The following TCF7 variants were observed in gnomAD, a reference collection of about 807,000 sequenced individuals.
TCF7 encodes transcription factor 7, also known as T-cell-factor-7.
In TCF7, 19 loss-of-function variants were observed where a neutral mutation model predicts 46.8. The ratio of observed to expected loss-of-function variants is 0.41; its 90% CI spans 0.28 to 0.60. The LOEUF (loss-of-function observed/expected upper bound fraction) is 0.60, where lower values mean the gene tolerates loss of function less well. Among genes scored for constraint, TCF7 ranks in the 20% least tolerant of loss-of-function variants. TCF7 has a pLI of 0.35. For synonymous variants in TCF7, 245 were observed against 213.4 expected, an observed-to-expected ratio of 1.15 and a Z score of -1.29; for missense variants, 547 against 504.6, an observed-to-expected ratio of 1.08 and a Z score of -0.81.
intron 3 of TCF7, among the ~76,000 whole-genome samples, chr5:134,134,369 C>T (rs961744549): frequency 6.6e-6 from 1 of 152,270 alleles, no homozygotes; most frequent in African/African-American, 2.4e-5. Flanking sequence ...AGCTTAGACT[C>T]GAAAGCCCCC....
At chr5:134,143,922 A>G (rs1343236383) in intron 9 of TCF7, 8 of 412,082 alleles carry the variant, frequency 1.9e-5, no homozygotes, top group Non-Finnish European at 2.2e-5. Flanking sequence ...TGCTAGCTCC[A>G]CTCACCAGAG....
intron 3 of TCF7, among the ~76,000 whole-genome samples, chr5:134,135,129 ATT>A (rs1758676609): frequency 6.6e-6 from 1 of 151,846 alleles, no homozygotes; most frequent in Non-Finnish European, 1.5e-5. Context: ...AGTTATTTTT[ATT>A]TTATTTTTAG....
At chr5:134,125,831 C>G (rs1033405695) in intron 3 of TCF7, among the ~76,000 whole-genome samples, 6 of 152,134 alleles carry the variant, frequency 3.9e-5, no homozygotes, top group African/African-American at 1.4e-4. Context: ...GGTGGAAAAC[C>G]CGCTAAGCAG....
chr5:134,117,293 C>T (rs933010958), intron 3 of TCF7, among the ~76,000 whole-genome samples: 4 of 152,334 alleles, frequency 2.6e-5, no homozygotes, highest in South Asian at 4.1e-4. Context: ...AGCATTCCCC[C>T]GCTGATGTAG....
chr5:134,121,569 A>G (rs1401038126), intron 3 of TCF7, among the ~76,000 whole-genome samples: 1 of 149,012 alleles, frequency 6.7e-6, no homozygotes, highest in African/African-American at 2.5e-5. Context: ...AGCCTGGGCA[A>G]CAGAACCAGA....
upstream of TCF7, among the ~76,000 whole-genome samples, chr5:134,114,255 C>T (rs543520445): frequency 6.6e-6 from 1 of 152,248 alleles, no homozygotes; most frequent in South Asian, 2.1e-4. Flanking sequence ...GGGGTACGAG[C>T]ACAGCCTCAA....
the TCF7 span, among the ~76,000 whole-genome samples, chr5:134,108,624 T>G: frequency 3.3e-5 from 5 of 152,118 alleles, no homozygotes; most frequent in Non-Finnish European, 5.9e-5. Context: ...GTGGGTCATA[T>G]ACTGGGAGGT....
intron 3 of TCF7, among the ~76,000 whole-genome samples, chr5:134,129,807 C>G (rs1168975732): frequency 6.6e-6 from 1 of 152,238 alleles, no homozygotes; most frequent in Non-Finnish European, 1.5e-5. Context: ...GTGGCAGGCC[C>G]CTTTATCTGA....
intron 3 of TCF7, among the ~76,000 whole-genome samples, chr5:134,124,208 C>T (rs765265800): frequency 1.2e-4 from 19 of 152,170 alleles, no homozygotes; most frequent in Non-Finnish European, 2.2e-4. Context: ...TCTGAGAAAC[C>T]AGGACATTGT....
intron 3 of TCF7, among the ~76,000 whole-genome samples, chr5:134,117,776 C>A (rs1186362146): frequency 6.6e-6 from 1 of 152,168 alleles, no homozygotes; most frequent in Non-Finnish European, 1.5e-5. Context: ...ACAGCAGATA[C>A]ATTTCTATGT....
upstream of TCF7, among the ~76,000 whole-genome samples, chr5:134,112,727 G>A (rs1313026463): frequency 6.6e-6 from 1 of 152,216 alleles, no homozygotes; most frequent in Non-Finnish European, 1.5e-5. Flanking sequence ...CAATAAAGCA[G>A]TAAGGGCATA....
chr5:134,112,363 C>CA (rs1430521547), upstream of TCF7, among the ~76,000 whole-genome samples: 15 of 152,370 alleles, frequency 9.8e-5, no homozygotes, highest in South Asian at 1.4e-3. Context: ...TCCCTCTCCA[C>CA]AGCCCAAGCC....
In TCF7 at chr5:134,122,027, T is replaced by C. The variant is rs181703971; in HGVS notation, c.441+5994T>C. On this transcript the variant is annotated intron_variant, in intron 3 of 9. Transcript: ENST00000342854. ...TGTGAGCTATTTTGAATTACCTTTC[T>C]TTCCTTGGAAGGCTGCGTAGTATTG... is the stretch of plus-strand genomic sequence containing the variant. Among the ~76,000 whole-genome samples, 9 of 152,282 alleles carry C rather than the reference T, an allele frequency of 5.9e-5. No individual in the cohort carries two copies. The East Asian group carries it at 1.7e-3, about 29-fold the overall frequency.
chr5:134,138,067 C>T lies in TCF7; in HGVS notation c.450C>T (p.Ala150=), dbSNP rs766265869. 11 of 1,600,546 alleles carry T rather than the reference C, an allele frequency of 6.9e-6. No homozygotes were observed. The highest frequency in any genetic ancestry group is 9.4e-6 in the Non-Finnish European group (11 of 1,172,446). ...HPQPQPPLHK[A]NQPPHGVPQL... ...TCCTTCTCATTTTTCAGCACAAGGC[C>T]AATCAGCCCCCCCACGGTGTCCCCC... is the stretch of plus-strand genomic sequence containing the variant. The change falls in exon 4 of 10, where the codon GCC becomes GCT. Residue 150 remains alanine, a synonymous_variant. Coordinates refer to ENST00000342854, the MANE Select transcript of TCF7 (RefSeq NM_003202.5).
chr5:134,137,741 A>G (rs1759101654), intron 3 of TCF7: 1 of 225,030 alleles, frequency 4.4e-6, no homozygotes, highest in South Asian at 1.6e-4. Flanking sequence ...GCTGGAGGCT[A>G]TAAGCAACCT....
chr5:134,132,299 C>T (rs80012995), intron 3 of TCF7, among the ~76,000 whole-genome samples: 2,106 of 152,352 alleles, frequency 0.014, 25 homozygotes, highest in Non-Finnish European at 0.02. Context: ...ATGGGAAATA[C>T]TCCGCTCACA....
chr5:134,126,026 T>C (rs1757301598), intron 3 of TCF7, among the ~76,000 whole-genome samples: 1 of 152,258 alleles, frequency 6.6e-6, no homozygotes, highest in Admixed American at 6.5e-5. Flanking sequence ...TTTAGAAAAT[T>C]ACATTGTGTT....
chr5:134,110,731 G>A (rs1027779271), upstream of TCF7, among the ~76,000 whole-genome samples: 4 of 152,224 alleles, frequency 2.6e-5, no homozygotes, highest in African/African-American at 9.6e-5. Flanking sequence ...TCTCCTTGCT[G>A]TAATTTACTA....
At chr5:134,143,666 G>A (rs1561700234) in intron 9 of TCF7, 26 bp downstream of exon 9, 1 of 1,613,306 alleles carries the variant, frequency 6.2e-7, no homozygotes, top group Non-Finnish European at 8.5e-7. Flanking sequence ...AGCAGCAGTG[G>A]AGGCTCCTCT....
Sources: allele counts gnomAD v4.1 joint callset (sites outside exome capture counted in the v4.1 genomes callset), GRCh38; gene constraint gnomAD v4.1.1; transcripts MANE v1.5; gene names NCBI Gene and HGNC (gene_info 2026-07-23, HGNC 2026-07-21).